The following PALS2 variants were observed in gnomAD, a reference collection of about 807,000 sequenced individuals.
PALS2 encodes protein associated with LIN7 2, MAGUK p55 family member, also known as protein PALS2.
PALS2 carries 27 observed loss-of-function variants against 61.6 expected under a neutral mutation model. The ratio of observed to expected loss-of-function variants is 0.44; its 90% CI spans 0.32 to 0.60. The LOEUF is 0.60. Among genes scored for constraint, PALS2 ranks in the 20% least tolerant of loss-of-function variants. PALS2 has a pLI of 0.05. For synonymous variants in PALS2, 236 were observed against 218.6 expected, an observed-to-expected ratio of 1.08 and a Z score of -0.70; for missense variants, 554 against 639.4, an observed-to-expected ratio of 0.87 and a Z score of 1.44.
chr7:24,585,643 C>A (rs1008306371), intron 1 of PALS2, among the ~76,000 whole-genome samples: 3 of 152,182 alleles, frequency 2.0e-5, no homozygotes, highest in Non-Finnish European at 4.4e-5. Flanking sequence ...TTATTCTCAT[C>A]TCCATCCCCT....
At chr7:24,589,200 C>T (rs1013151243) in intron 1 of PALS2, 1 of 152,074 alleles carries the variant, frequency 6.6e-6, no homozygotes, top group Admixed American at 6.6e-5. Flanking sequence ...CCATTTTCAC[C>T]TGTACAGGTG....
chr7:24,654,253 A>G (rs1368880662), intron 5 of PALS2, among the ~76,000 whole-genome samples: 1 of 151,842 alleles, frequency 6.6e-6, no homozygotes, highest in Non-Finnish European at 1.5e-5. Flanking sequence ...CACTAGCACC[A>G]CTTATATTTA....
At chr7:24,604,119 G>A (rs1159706813) in intron 1 of PALS2, among the ~76,000 whole-genome samples, 2 of 151,130 alleles carry the variant, frequency 1.3e-5, no homozygotes, top group African/African-American at 2.4e-5. Context: ...GCTGAGGTGG[G>A]AGGATTACTT....
At chr7:24,613,045 G>T (rs1784168911) in intron 1 of PALS2, among the ~76,000 whole-genome samples, 1 of 151,660 alleles carries the variant, frequency 6.6e-6, no homozygotes, top group African/African-American at 2.4e-5. Context: ...TAAGCATTGA[G>T]ATGAGTTTGG....
In PALS2 at chr7:24,668,468, A is replaced by G. The variant is rs781368169; in HGVS notation, c.953-31A>G. The G allele has an allele frequency of 3.2e-6, 5 of 1,585,594 alleles. No individual in the cohort carries two copies. The South Asian group carries it at 3.4e-5, about 11-fold the overall frequency. ...ATTTCTTTCATGTATATAAAAGTTG[A>G]CTTTGTATTCCCATTTCCTTTTTCA... On this transcript the variant is annotated intron_variant, in intron 8 of 11. Coordinates refer to ENST00000222644, the MANE Select transcript of PALS2 (RefSeq NM_001303037.2).
At chr7:24,588,180 G>T (rs1783146117) in intron 1 of PALS2, among the ~76,000 whole-genome samples, 2 of 152,124 alleles carry the variant, frequency 1.3e-5, no homozygotes, top group Admixed American at 1.3e-4. Flanking sequence ...TTCTTCCCTG[G>T]ACATGTTTGG....
chr7:24,600,632 TA>T (rs142483474), intron 1 of PALS2, among the ~76,000 whole-genome samples: 9,599 of 152,268 alleles, frequency 0.063, 354 homozygotes, highest in African/African-American at 0.093. Context: ...TTGTATAAGT[TA>T]AATCGTTACA....
At position 24,689,952 on chromosome 7, in the gene PALS2, A is replaced by G. The variant is rs780818721; in HGVS notation, c.*2338A>G. The G allele has an allele frequency of 4.6e-5, 7 of 152,228 alleles. No homozygotes were observed. Among genetic ancestry groups the G allele is most frequent in the Non-Finnish European group, 7.3e-5 (5 of 68,040 alleles). The allele number at this position is 152,228 out of a possible 1,614,324, so 9.4% of individuals were successfully genotyped here. A position where few individuals can be genotyped will look rare whatever the true frequency, so the allele number is the denominator to read the frequency against. On this transcript the variant is annotated 3_prime_UTR_variant, in exon 12 of 12. Transcript: ENST00000222644. ...AGAAGTTTATCTGCAAAATATTTCA[A>G]TCATCTTGGTACAATAGATGACTTT...
chr7:24,574,330 G>A (rs1273199845), intron 1 of PALS2: 1 of 152,274 alleles, frequency 6.6e-6, no homozygotes, highest in Non-Finnish European at 1.5e-5. Flanking sequence ...TTTTGGCTGG[G>A]TGGAGGGTCA....
intron 5 of PALS2, among the ~76,000 whole-genome samples, chr7:24,660,334 C>T (rs1786653318): frequency 6.6e-6 from 1 of 152,134 alleles, no homozygotes; most frequent in Admixed American, 6.5e-5. Flanking sequence ...CATCCCCCCA[C>T]CAGTAACAAA....
chr7:24,663,965 A>G (rs1035936600), intron 6 of PALS2, among the ~76,000 whole-genome samples: 6 of 152,156 alleles, frequency 3.9e-5, no homozygotes, highest in East Asian at 3.8e-4. Flanking sequence ...GATTAGACCA[A>G]TTGGTTTTTT....
chr7:24,668,866 C>T (rs1414253933), intron 9 of PALS2, among the ~76,000 whole-genome samples: 1 of 152,174 alleles, frequency 6.6e-6, no homozygotes, highest in Non-Finnish European at 1.5e-5. Flanking sequence ...GGCTTGCTGT[C>T]TGGTGGCAAG....
chr7:24,660,549 C>A (rs925434937), intron 5 of PALS2, among the ~76,000 whole-genome samples: 3 of 152,096 alleles, frequency 2.0e-5, no homozygotes, highest in Admixed American at 1.3e-4. Flanking sequence ...GACAAACACA[C>A]ACACACACAC....
chr7:24,579,798 T>C (rs780496966), intron 1 of PALS2, among the ~76,000 whole-genome samples: 31 of 152,252 alleles, frequency 2.0e-4, no homozygotes, highest in Non-Finnish European at 4.3e-4. Context: ...TTGATAAATC[T>C]ACTTAGAATA....
At chr7:24,637,981 T>G (rs1785322268) in intron 2 of PALS2, among the ~76,000 whole-genome samples, 2 of 152,208 alleles carry the variant, frequency 1.3e-5, no homozygotes, top group Non-Finnish European at 2.9e-5. Context: ...AAACAAGATT[T>G]ATTTATTTAA....
chr7:24,667,046 C>G (rs1462237330), intron 8 of PALS2: 1 of 152,082 alleles, frequency 6.6e-6, no homozygotes, highest in African/African-American at 2.4e-5. Flanking sequence ...GGCTTGCTTT[C>G]TCTTAATATT....
At chr7:24,583,564 C>A (rs576539274) in intron 1 of PALS2, among the ~76,000 whole-genome samples, 1 of 152,004 alleles carries the variant, frequency 6.6e-6, no homozygotes, top group East Asian at 1.9e-4. Flanking sequence ...GGTCCCCTGC[C>A]CCCAAATAAA....
rs1024499444 is a variant in PALS2, at chr7:24,687,219, C to T, written c.1447-219C>T. On this transcript the variant is annotated intron_variant, in intron 11 of 11. Transcript: ENST00000222644. This position sits in a 1 kb window ranked among gnomAD's most constrained non-coding sequence, Gnocchi z 4.5. ...CCTAATATAAGTGAGGCAAAAGATG[C>T]AGAATACTCATAAATGTAAACATGA... Among the ~76,000 whole-genome samples the T allele has an allele frequency of 2.0e-5, 3 of 152,114 alleles. No homozygotes were observed. Among genetic ancestry groups the T allele is most frequent in the African/African-American group, 4.8e-5 (2 of 41,420 alleles).
rs1396589442 is a variant in PALS2, at chr7:24,624,021, A to G, written c.117+237A>G. 2.4e-6 allele frequency: 3 copies of G among 1,268,652 alleles called. No homozygotes were observed. The Admixed American group carries it at 6.5e-5, about 27-fold the overall frequency. The allele number at this position is 1,268,652 out of a possible 1,614,324, so 78.6% of individuals were successfully genotyped here. A position where few individuals can be genotyped will look rare whatever the true frequency, so the allele number is the denominator to read the frequency against. On this transcript the variant is annotated intron_variant, in intron 2 of 11. Coordinates refer to ENST00000222644, the MANE Select transcript of PALS2 (RefSeq NM_001303037.2). ...TCTTAGTTTTGGCGTAATGCCTTTAAGGTTTAGAGAAATCATACCTGCACA... is the reference window on the plus strand; with the variant it reads ...TCTTAGTTTTGGCGTAATGCCTTTAGGGTTTAGAGAAATCATACCTGCACA...
Sources: gnomAD v4.1 joint callset for allele counts (sites outside exome capture counted in the v4.1 genomes callset) on GRCh38, gnomAD v4.1.1 for gene constraint, Gnocchi (gnomAD v3.1) non-coding constraint, MANE v1.5 for transcripts, NCBI Gene and HGNC (gene_info 2026-07-23, HGNC 2026-07-21) for gene names.